RBM39: variants seen among roughly 807,000 people sequenced by gnomAD.
The protein encoded by RBM39 is RNA-binding protein 39.
Under a neutral mutation model 79.6 loss-of-function variants are expected in RBM39, and 12 were observed. The ratio of observed to expected loss-of-function variants is 0.15; its 90% CI spans 0.10 to 0.24. The LOEUF (loss-of-function observed/expected upper bound fraction) is 0.24, where lower values mean the gene tolerates loss of function less well. Ranked by LOEUF, RBM39 falls within the 10% of genes least tolerant of loss-of-function variation. The pLI, the probability that RBM39 is intolerant of heterozygous loss-of-function variation, is 1.00. For synonymous variants in RBM39, 185 were observed against 208.4 expected (o/e 0.89, Z 0.97); for missense variants, 243 against 653.4 (o/e 0.37, Z 6.85).
intron 3 of RBM39, chr20:35,735,184 T>A: frequency 7.4e-7 from 1 of 1,351,126 alleles, no homozygotes; most frequent in Non-Finnish European, 9.6e-7. Context: ...TTTAATGTTA[T>A]CTTTTATTGA....
chr20:35,715,949 A>C (rs375706663), intron 10 of RBM39, among the ~76,000 whole-genome samples: 1 of 152,224 alleles, frequency 6.6e-6, no homozygotes, highest in Non-Finnish European at 1.5e-5. Flanking sequence ...TTTGCGAAGC[A>C]CAAGTAACAG....
At chr20:35,735,492 ACTAC>A (rs1296569075) in intron 3 of RBM39, among the ~76,000 whole-genome samples, 2 of 152,236 alleles carry the variant, frequency 1.3e-5, no homozygotes, top group Non-Finnish European at 2.9e-5. Flanking sequence ...CCATTTTTCT[ACTAC>A]CTAACAAACT....
At chr20:35,721,096 AC>A (rs1351314852) in intron 9 of RBM39, among the ~76,000 whole-genome samples, 1 of 151,874 alleles carries the variant, frequency 6.6e-6, no homozygotes, top group Admixed American at 6.6e-5. Flanking sequence ...ACGCACCAAC[AC>A]GCCCAGCTAA....
At chr20:35,709,024 AT>A (rs757239402) in intron 13 of RBM39, 199 bp downstream of exon 13, 15 of 449,786 alleles carry the variant, frequency 3.3e-5, no homozygotes, top group African/African-American at 1.8e-4. Context: ...TGTTATTTTG[AT>A]TTTTTTTAAG....
At chr20:35,735,201 C>A in intron 3 of RBM39, 2 of 1,302,838 alleles carry the variant, frequency 1.5e-6, no homozygotes, top group Non-Finnish European at 2.0e-6. Context: ...TTGAGTAATT[C>A]TCTAAAGAGC....
intron 3 of RBM39, chr20:35,736,475 T>C (rs2039918682): frequency 7.3e-6 from 3 of 409,012 alleles, no homozygotes; most frequent in South Asian, 5.5e-5. Flanking sequence ...TAACATTATA[T>C]ATTTTCTCAT....
chr20:35,725,004 A>T, intron 7 of RBM39, 34 bp downstream of exon 7: 1 of 1,395,778 alleles, frequency 7.2e-7, no homozygotes, highest in Non-Finnish European at 1.0e-6. Context: ...TGCAATTTCT[A>T]CCTACTTGAC....
chr20:35,709,389 C>G, intron 12 of RBM39, 115 bp from the exon 13 acceptor site: 1 of 859,822 alleles, frequency 1.2e-6, no homozygotes, highest in Non-Finnish European at 1.7e-6. Flanking sequence ...TTAGTAAAAC[C>G]TGGCAGCAAA....
At position 35,705,713 on chromosome 20, in the gene RBM39, G is replaced by A. The variant is rs534853090; in HGVS notation, c.1308-383C>T. 9.9e-5 allele frequency among the ~76,000 whole-genome samples: 15 copies of A among 151,716 alleles called. No individual in the cohort carries two copies. The South Asian group carries it at 2.5e-3, about 25-fold the overall frequency. Reference sequence around the variant, plus strand: ...TTCAAGAGGCTGAAGCAGGAGAATCGCTTGAGCCTAGGAGGCTGAGGTTGC... The same window carrying A: ...TTCAAGAGGCTGAAGCAGGAGAATCACTTGAGCCTAGGAGGCTGAGGTTGC... On this transcript the variant is annotated intron_variant, in intron 14 of 16. Coordinates refer to ENST00000253363, the MANE Select transcript of RBM39 (RefSeq NM_184234.3).
chr20:35,722,585 C>T (rs902944823), intron 8 of RBM39, among the ~76,000 whole-genome samples: 9 of 150,896 alleles, frequency 6.0e-5, no homozygotes, highest in African/African-American at 2.0e-4. Flanking sequence ...GCACACCCCA[C>T]ATCATACCCT....
intron 9 of RBM39, among the ~76,000 whole-genome samples, chr20:35,721,328 CA>C (rs1435325088): frequency 6.6e-6 from 1 of 152,122 alleles, no homozygotes; most frequent in Non-Finnish European, 1.5e-5. Flanking sequence ...TATGATTTAA[CA>C]ATTTTCCTTC....
chr20:35,718,406 G>A (rs999453226), intron 9 of RBM39, among the ~76,000 whole-genome samples: 1 of 152,070 alleles, frequency 6.6e-6, no homozygotes, highest in African/African-American at 2.4e-5. Flanking sequence ...AAACATTTAG[G>A]CTGGGCTCGG....
At chr20:35,725,643 C>A (rs1406440995) in intron 6 of RBM39, among the ~76,000 whole-genome samples, 1 of 151,044 alleles carries the variant, frequency 6.6e-6, no homozygotes, top group African/African-American at 2.4e-5. Flanking sequence ...TGTCATAATT[C>A]CCAAACCCAT....
At position 35,732,059 on chromosome 20, in the gene RBM39, C is replaced by T; in HGVS notation, c.178G>A (p.Asp60Asn). Residue 60 changes from aspartate (D) to asparagine (N), a missense_variant, in exon 4 of 17, where the codon GAC becomes AAC. Coordinates refer to ENST00000253363, the MANE Select transcript of RBM39 (RefSeq NM_184234.3). ...SKSKERKRSR[D>N]RERKKSKSRE... The stretch of plus-strand genomic sequence containing the variant: ...CTTTTGCTCTTTTTCCTTTCTCTGT[C>T]TCTACTTCGCTTCCGTTCCTTACTT... The T allele has an allele frequency of 6.2e-7, 1 of 1,614,052 alleles. No homozygotes were observed. Among genetic ancestry groups the T allele is most frequent in the Non-Finnish European group, 8.5e-7 (1 of 1,180,022 alleles).
Position 35,737,031 on chromosome 20 carries a change from G to A in RBM39, c.101+1937C>T, listed in dbSNP as rs551930008. ...CCCAGCACTTTGGGAAGCCAAGGCGGGCGGATCATGAGGTCAAGAGATGGA... is the reference window on the plus strand; with the variant it reads ...CCCAGCACTTTGGGAAGCCAAGGCGAGCGGATCATGAGGTCAAGAGATGGA... On this transcript the variant is annotated intron_variant, in intron 3 of 16. Transcript: ENST00000253363. Among the ~76,000 whole-genome samples, 50 of 151,596 alleles carry A rather than the reference G, an allele frequency of 3.3e-4. 1 individual carries two copies. The highest frequency in any genetic ancestry group is 2.4e-3 in the East Asian group (12 of 5,014).
intron 11 of RBM39, 143 bp from the exon 12 acceptor site, chr20:35,713,239 C>T: frequency 4.8e-6 from 3 of 626,674 alleles, no homozygotes; most frequent in Non-Finnish European, 8.0e-6. Flanking sequence ...ACTTAGCTAG[C>T]ACTCTGGGAG....
At chr20:35,718,256 G>A (rs188392353) in intron 9 of RBM39, among the ~76,000 whole-genome samples, 6 of 150,384 alleles carry the variant, frequency 4.0e-5, no homozygotes, top group Non-Finnish European at 7.4e-5. Context: ...GAAAGTCTAT[G>A]GAAGGATATA....
intron 2 of RBM39, chr20:35,739,802 C>A: frequency 3.9e-6 from 1 of 253,864 alleles, no homozygotes; most frequent in Non-Finnish European, 8.0e-6. Context: ...CAAATTGGTA[C>A]CACATGGTCG....
At chr20:35,709,919 T>A (rs1172974724) in intron 12 of RBM39, among the ~76,000 whole-genome samples, 1 of 152,212 alleles carries the variant, frequency 6.6e-6, no homozygotes, top group Non-Finnish European at 1.5e-5. Context: ...TAAAAATCTC[T>A]GGAGTTTTCT....
Sources: gnomAD v4.1 joint callset for allele counts (sites outside exome capture counted in the v4.1 genomes callset) on GRCh38, gnomAD v4.1.1 for gene constraint, MANE v1.5 for transcripts, NCBI Gene and HGNC (gene_info 2026-07-23, HGNC 2026-07-21) for gene names.